Variants in MACROD2 observed in about 807,000 individuals in gnomAD.
MACROD2 encodes ADP-ribose glycohydrolase MACROD2.
Under a neutral mutation model 70.4 loss-of-function variants are expected in MACROD2, and 36 were observed. The ratio of observed to expected loss-of-function variants is 0.51; its 90% CI spans 0.39 to 0.68. The LOEUF (loss-of-function observed/expected upper bound fraction) is 0.68, where lower values mean the gene tolerates loss of function less well. Ranked by LOEUF, MACROD2 falls within the 30% of genes least tolerant of loss-of-function variation. MACROD2 has a pLI of 0.00. For synonymous variants in MACROD2, 172 were observed against 178.8 expected (o/e 0.96, Z 0.30); for missense variants, 496 against 538.4 (o/e 0.92, Z 0.78).
At chr20:15,348,747 C>A (rs528440553) in intron 6 of MACROD2, among the ~76,000 whole-genome samples, 1 of 152,014 alleles carries the variant, frequency 6.6e-6, no homozygotes, top group African/African-American at 2.4e-5. Context: ...TTCATTATCA[C>A]GAGAACAGCA....
At chr20:14,053,300 A>C (rs2053593450) in intron 2 of MACROD2, 1 of 152,140 alleles carries the variant, frequency 6.6e-6, no homozygotes, top group South Asian at 2.1e-4. Context: ...AGACCTTCCT[A>C]GAGTGAATGA....
intron 8 of MACROD2, among the ~76,000 whole-genome samples, chr20:15,702,886 A>T (rs1465287907): frequency 6.6e-6 from 1 of 152,242 alleles, no homozygotes; most frequent in Non-Finnish European, 1.5e-5. Flanking sequence ...CCAACTTCGA[A>T]CTATACTATA....
intron 5 of MACROD2, among the ~76,000 whole-genome samples, chr20:15,120,231 A>G (rs921824028): frequency 2.7e-5 from 4 of 148,968 alleles, no homozygotes; most frequent in African/African-American, 5.0e-5. Context: ...TCATCAGCAT[A>G]CTCTATCTTA....
chr20:14,328,738 C>T (rs1257374587), intron 3 of MACROD2, among the ~76,000 whole-genome samples: 1 of 152,060 alleles, frequency 6.6e-6, no homozygotes, highest in Admixed American at 6.6e-5. Flanking sequence ...ACCTCCAGAT[C>T]AGGCTTGCTG....
At chr20:15,983,133 C>A (rs1346677762) in intron 13 of MACROD2, among the ~76,000 whole-genome samples, 1 of 152,170 alleles carries the variant, frequency 6.6e-6, no homozygotes. Flanking sequence ...TTTATCTAAT[C>A]TACATTTTTA....
intron 3 of MACROD2, among the ~76,000 whole-genome samples, chr20:14,110,651 T>TA (rs2054437049): frequency 6.6e-6 from 1 of 151,620 alleles, no homozygotes; most frequent in Non-Finnish European, 1.5e-5. Flanking sequence ...TAAAATTAAA[T>TA]ACCTAGGAAT....
chr20:15,324,660 G>A (rs1460932114), intron 6 of MACROD2, among the ~76,000 whole-genome samples: 3 of 152,150 alleles, frequency 2.0e-5, no homozygotes, highest in African/African-American at 7.2e-5. Context: ...CTTAATCAGG[G>A]CATTAAAAAC....
chr20:14,369,431 A>G (rs956442294), intron 3 of MACROD2, among the ~76,000 whole-genome samples: 9 of 152,306 alleles, frequency 5.9e-5, no homozygotes, highest in Admixed American at 1.3e-4. Flanking sequence ...CAAACATCAC[A>G]TACTTTTCTT....
At chr20:15,512,312 T>C (rs2047510499) in intron 8 of MACROD2, among the ~76,000 whole-genome samples, 1 of 152,248 alleles carries the variant, frequency 6.6e-6, no homozygotes, top group Non-Finnish European at 1.5e-5. Flanking sequence ...CTGTAAACAG[T>C]AGAGGCCTTT....
chr20:15,118,141 AACCCT>A (rs1465282375), intron 5 of MACROD2, among the ~76,000 whole-genome samples: 1 of 151,978 alleles, frequency 6.6e-6, no homozygotes, highest in Non-Finnish European at 1.5e-5. Flanking sequence ...TGTTAATTTA[AACCCT>A]ACTTCTTAAG....
At chr20:14,376,850 A>C (rs2083376673) in intron 3 of MACROD2, among the ~76,000 whole-genome samples, 1 of 151,436 alleles carries the variant, frequency 6.6e-6, no homozygotes, top group Admixed American at 6.6e-5. Context: ...TGGTTTTCTC[A>C]CATAATAGCC....
chr20:15,724,144 A>G (rs1010152984), intron 8 of MACROD2, among the ~76,000 whole-genome samples: 1 of 152,122 alleles, frequency 6.6e-6, no homozygotes, highest in African/African-American at 2.4e-5. Context: ...ATTGAGTTTC[A>G]AGAGTTCTGT....
chr20:15,179,349 A>T (rs1452362636), intron 5 of MACROD2, among the ~76,000 whole-genome samples: 2 of 152,134 alleles, frequency 1.3e-5, no homozygotes, highest in Non-Finnish European at 2.9e-5. Context: ...GTAAATTACC[A>T]TCCAGATTTC....
intron 3 of MACROD2, among the ~76,000 whole-genome samples, chr20:14,386,281 T>C (rs984292469): frequency 6.6e-6 from 1 of 152,222 alleles, no homozygotes; most frequent in Non-Finnish European, 1.5e-5. Flanking sequence ...ATCTATCTTG[T>C]AGAATTCATG....
intron 8 of MACROD2, chr20:15,619,884 A>C (rs1049097147): frequency 4.6e-5 from 7 of 153,446 alleles, no homozygotes; most frequent in African/African-American, 1.7e-4. Flanking sequence ...AAGTCAACCA[A>C]CTGAGAGGTG....
chr20:16,022,619 A>G (rs1271740348), intron 15 of MACROD2, among the ~76,000 whole-genome samples: 1 of 152,182 alleles, frequency 6.6e-6, no homozygotes, highest in Non-Finnish European at 1.5e-5. Context: ...GCATTTTATA[A>G]TTATCCTGAG....
chr20:16,041,694 G>A (rs1448193190), intron 16 of MACROD2, among the ~76,000 whole-genome samples: 1 of 151,976 alleles, frequency 6.6e-6, no homozygotes, highest in African/African-American at 2.4e-5. Flanking sequence ...GATTGTTCTT[G>A]TACCTTCATC....
chr20:15,138,850 A>T (rs2076170609), intron 5 of MACROD2, among the ~76,000 whole-genome samples: 2 of 152,168 alleles, frequency 1.3e-5, no homozygotes. Flanking sequence ...ATCACACTTG[A>T]ACTTCAATTA....
At chr20:14,604,611 G>C (rs1468036404) in intron 4 of MACROD2, among the ~76,000 whole-genome samples, 1 of 152,088 alleles carries the variant, frequency 6.6e-6, no homozygotes, top group African/African-American at 2.4e-5. Context: ...GATTCCAGTT[G>C]GTATTCTCCC....
Sources: gnomAD v4.1 joint callset for allele counts (sites outside exome capture counted in the v4.1 genomes callset) on GRCh38, gnomAD v4.1.1 for gene constraint, MANE v1.5 for transcripts, NCBI Gene and HGNC (gene_info 2026-07-23, HGNC 2026-07-21) for gene names.